Variants in SDK1 observed in about 807,000 individuals in gnomAD.
SDK1 encodes protein sidekick-1.
SDK1 carries 157 observed loss-of-function variants against 245.5 expected under a neutral mutation model. The ratio of observed to expected loss-of-function variants is 0.64; its 90% CI spans 0.56 to 0.73. The LOEUF is 0.73. SDK1 is among the 30% of genes least tolerant of loss of function. The pLI, the probability that SDK1 is intolerant of heterozygous loss-of-function variation, is 0.00. For missense variants in SDK1, 3,583 were observed against 3,002.3 expected, an observed-to-expected ratio of 1.19 and a Z score of -4.52; for synonymous variants, 1,647 against 1,278.5, an observed-to-expected ratio of 1.29 and a Z score of -6.15.
intron 4 of SDK1, among the ~76,000 whole-genome samples, chr7:3,670,458 C>T (rs576183654): frequency 2.0e-5 from 3 of 152,274 alleles, no homozygotes; most frequent in East Asian, 3.9e-4. Flanking sequence ...TTAAACAAAA[C>T]AAAACTTTTA....
chr7:3,462,914 C>G (rs1463357167), intron 1 of SDK1, among the ~76,000 whole-genome samples: 1 of 152,144 alleles, frequency 6.6e-6, no homozygotes, highest in Non-Finnish European at 1.5e-5. Context: ...TCCTTGCTTG[C>G]CTTCTCATTG....
intron 1 of SDK1, among the ~76,000 whole-genome samples, chr7:3,486,448 G>C (rs1781697299): frequency 6.6e-6 from 1 of 151,754 alleles, no homozygotes; most frequent in African/African-American, 2.4e-5. Flanking sequence ...CTACTTTCCT[G>C]TTTGGTTTTG....
At chr7:3,765,766 A>G (rs1302278022) in intron 4 of SDK1, among the ~76,000 whole-genome samples, 2 of 152,138 alleles carry the variant, frequency 1.3e-5, no homozygotes, top group African/African-American at 2.4e-5. Flanking sequence ...TTAGGGCATT[A>G]TATTGATTTT....
chr7:4,197,075 C>G (rs193250940), intron 35 of SDK1, among the ~76,000 whole-genome samples: 2 of 152,288 alleles, frequency 1.3e-5, no homozygotes, highest in African/African-American at 4.8e-5. Context: ...GCAATCCACA[C>G]GGGCAAACAT....
chr7:4,049,582 T>C (rs1475870569), intron 18 of SDK1, 119 bp downstream of exon 18: 7 of 732,310 alleles, frequency 9.6e-6, no homozygotes, highest in African/African-American at 1.7e-5. Flanking sequence ...ATACAGGGCG[T>C]CTTGACCTTG....
At chr7:4,068,538 C>T (rs1445446132) in intron 20 of SDK1, among the ~76,000 whole-genome samples, 3 of 152,094 alleles carry the variant, frequency 2.0e-5, no homozygotes, top group East Asian at 3.9e-4. Context: ...CCCCTCCCCA[C>T]CCTGCCCTCC....
chr7:4,196,211 G>A lies in SDK1; in HGVS notation c.5099-9668G>A, dbSNP rs530192537. On this transcript the variant is annotated intron_variant, in intron 35 of 44. Coordinates refer to ENST00000404826, the MANE Select transcript of SDK1 (RefSeq NM_152744.4). ...TGGTCCCCTGGTCACTGCAACTGGT[G>A]GATTCCAGGCCCTTGCCAACAGGTC... 1.1e-4 allele frequency among the ~76,000 whole-genome samples: 17 copies of A among 152,264 alleles called. No individual in the cohort carries two copies. In the South Asian group the frequency reaches 3.3e-3, roughly 30 times the overall value.
At chr7:3,525,828 G>GTAA (rs1471525542) in intron 1 of SDK1, among the ~76,000 whole-genome samples, 2 of 152,174 alleles carry the variant, frequency 1.3e-5, no homozygotes, top group East Asian at 3.9e-4. Context: ...CAATTTTAGT[G>GTAA]TAATAATTTG....
At chr7:3,736,141 C>G (rs904205950) in intron 4 of SDK1, among the ~76,000 whole-genome samples, 1 of 152,110 alleles carries the variant, frequency 6.6e-6, no homozygotes, top group African/African-American at 2.4e-5. Flanking sequence ...CCGTAGGTTG[C>G]ATTTTGACCC....
At chr7:3,637,352 C>G (rs1440154102) in intron 2 of SDK1, among the ~76,000 whole-genome samples, 1 of 152,204 alleles carries the variant, frequency 6.6e-6, no homozygotes, top group African/African-American at 2.4e-5. Flanking sequence ...CTGCCTCGGC[C>G]TCCCAAATTG....
chr7:3,771,506 C>A (rs1780405199), intron 4 of SDK1, among the ~76,000 whole-genome samples: 1 of 152,152 alleles, frequency 6.6e-6, no homozygotes, highest in Non-Finnish European at 1.5e-5. Flanking sequence ...GAGTTCATCT[C>A]TTGGGGTTCT....
At chr7:3,781,542 G>C (rs145708923) in intron 4 of SDK1, among the ~76,000 whole-genome samples, 2 of 152,122 alleles carry the variant, frequency 1.3e-5, no homozygotes, top group Non-Finnish European at 2.9e-5. Flanking sequence ...CACCTGCAAA[G>C]AAAACTAATA....
intron 1 of SDK1, among the ~76,000 whole-genome samples, chr7:3,392,961 A>ATT (rs572782966): frequency 0.38 from 32,738 of 85,500 alleles, 6,031 homozygotes; most frequent in South Asian, 0.56. Context: ...CCTGTTTTAA[A>ATT]TTTTTTTTTT....
chr7:3,388,587 T>C (rs1192552064), intron 1 of SDK1, among the ~76,000 whole-genome samples: 2 of 151,400 alleles, frequency 1.3e-5, no homozygotes, highest in African/African-American at 4.9e-5. Flanking sequence ...ACTTTGATGA[T>C]ATAATACTCA....
intron 4 of SDK1, among the ~76,000 whole-genome samples, chr7:3,787,353 G>C (rs41895): frequency 0.091 from 13,839 of 152,004 alleles, 1,954 homozygotes; most frequent in African/African-American, 0.31. Context: ...AAAGAAAATA[G>C]TTACTTCATT....
intron 4 of SDK1, among the ~76,000 whole-genome samples, chr7:3,751,416 T>G (rs983213554): frequency 1.7e-5 from 2 of 119,144 alleles, no homozygotes; most frequent in Non-Finnish European, 3.2e-5. Flanking sequence ...ATGTGAGAGA[T>G]AGAACCAGAG....
intron 22 of SDK1, among the ~76,000 whole-genome samples, chr7:4,091,351 T>TTTG (rs1554337399): frequency 2.8e-3 from 401 of 143,236 alleles, no homozygotes; most frequent in Non-Finnish European, 4.3e-3. Context: ...TTTTTTTTTT[T>TTTG]TTTTTGTTTG....
chr7:3,895,611 T>C (rs1781583378), intron 5 of SDK1, among the ~76,000 whole-genome samples: 1 of 151,508 alleles, frequency 6.6e-6, no homozygotes, highest in South Asian at 2.1e-4. Flanking sequence ...CCTTTCTCTT[T>C]CCACTCCGCT....
chr7:4,051,888 G>A lies in SDK1; in HGVS notation c.2911+58G>A, dbSNP rs1778875355. The A allele has an allele frequency of 1.1e-5, 16 of 1,478,834 alleles. No individual in the cohort carries two copies. The South Asian group carries it at 1.9e-4, about 18-fold the overall frequency. The allele number at this position is 1,478,834 out of a possible 1,614,324, so 91.6% of individuals were successfully genotyped here. On this transcript the variant is annotated intron_variant, in intron 19 of 44. Coordinates refer to ENST00000404826, the MANE Select transcript of SDK1 (RefSeq NM_152744.4). ...ACTTGTCAAAGAGGTGTATACCGCT[G>A]CAACTTCCAGAATCAGGCAAGGGCA...
Sources: gnomAD v4.1 joint callset for allele counts (sites outside exome capture counted in the v4.1 genomes callset) on GRCh38, gnomAD v4.1.1 for gene constraint, MANE v1.5 for transcripts, NCBI Gene and HGNC (gene_info 2026-07-23, HGNC 2026-07-21) for gene names.